Variants in NRDC observed in about 807,000 individuals in gnomAD.
The protein encoded by NRDC is nardilysin convertase.
A neutral mutation model predicts 147.1 loss-of-function variants in NRDC; 54 were observed. The ratio of observed to expected loss-of-function variants is 0.37; its 90% CI spans 0.29 to 0.46. The LOEUF (loss-of-function observed/expected upper bound fraction) is 0.46, where lower values mean the gene tolerates loss of function less well. NRDC is among the 20% of genes least tolerant of loss of function. The pLI is 1.00. For missense variants in NRDC, 1,082 were observed against 1,370.6 expected (o/e 0.79, Z 3.33); for synonymous variants, 440 against 482.1 (o/e 0.91, Z 1.14).
At chr1:51,871,515 T>TA (rs60495773) in intron 1 of NRDC, among the ~76,000 whole-genome samples, 222 of 21,018 alleles carry the variant, frequency 0.011, 28 homozygotes, top group African/African-American at 0.026. Flanking sequence ...ACTGGTTCAT[T>TA]AAAAAAAAAA....
chr1:51,811,010 T>C (rs771087011), intron 15 of NRDC, among the ~76,000 whole-genome samples: 23 of 152,158 alleles, frequency 1.5e-4, no homozygotes, highest in Admixed American at 1.5e-3. Context: ...ATCCTCCAGC[T>C]ACAATAAGGA....
chr1:51,818,140 A>T lies in NRDC; in HGVS notation c.1292-5T>A. The stretch of plus-strand genomic sequence containing the variant: ...GAATTTTTCTGATTGGAACAACTAA[A>T]CAAAAATATTTTCCAGAAGAACAGA... On this transcript the variant is annotated splice_region_variant and splice_polypyrimidine_tract_variant and intron_variant, in intron 9 of 30. Coordinates refer to ENST00000352171, the MANE Select transcript of NRDC (RefSeq NM_001101662.2). 1 of 1,591,260 alleles carries T rather than the reference A, an allele frequency of 6.3e-7. No homozygotes were observed. The highest frequency in any genetic ancestry group is 1.1e-5 in the South Asian group (1 of 87,364).
rs1679493377 is a variant in NRDC at position 51,806,920 on chromosome 1, A to G, written c.1991-7T>C. ...TTCAACGTAAAGTCCGTGGCTAATA[A>G]AAGAAGATAATAATAATTCACTCAA... On this transcript the variant is annotated splice_polypyrimidine_tract_variant and splice_region_variant and intron_variant, in intron 17 of 30. Transcript: ENST00000352171. The G allele has an allele frequency of 1.9e-6, 3 of 1,611,502 alleles. No homozygotes were observed. The Admixed American group carries it at 5.1e-5, about 27-fold the overall frequency.
At chr1:51,868,600 A>G (rs1682933630) in intron 1 of NRDC, among the ~76,000 whole-genome samples, 1 of 152,184 alleles carries the variant, frequency 6.6e-6, no homozygotes. Flanking sequence ...CTGGCTGGGC[A>G]CAGTGGTTCA....
intron 1 of NRDC, among the ~76,000 whole-genome samples, chr1:51,854,846 C>G (rs1682155058): frequency 6.6e-6 from 1 of 152,180 alleles, no homozygotes; most frequent in Admixed American, 6.5e-5. Context: ...TAACATGTCT[C>G]CAGTTGTTTT....
chr1:51,817,983 C>T, intron 10 of NRDC, 83 bp downstream of exon 10: 2 of 976,994 alleles, frequency 2.0e-6, no homozygotes, highest in Admixed American at 2.4e-5. Context: ...AAATTCAGAA[C>T]CCCCAAACTT....
Position 51,794,456 on chromosome 1 carries a change from A to G in NRDC, c.2775+16T>C. On this transcript the variant is annotated intron_variant, in intron 24 of 30. Coordinates refer to ENST00000352171, the MANE Select transcript of NRDC (RefSeq NM_001101662.2). ...GGCACTGGGCCTTCCGCCAGTCTTT[A>G]GTACACCCAACTGACCTGGTAGTAC... 6.2e-7 allele frequency: 1 copy of G among 1,613,106 alleles called. No homozygotes were observed. The highest frequency in any genetic ancestry group is 8.5e-7 in the Non-Finnish European group (1 of 1,179,140).
At chr1:51,809,481 GGCTTA>G in intron 16 of NRDC, 80 bp from the exon 17 acceptor site, 1 of 929,858 alleles carries the variant, frequency 1.1e-6, no homozygotes, top group Non-Finnish European at 1.8e-6. Flanking sequence ...GTTATCAACT[GGCTTA>G]CAAATCAATT....
In NRDC at chr1:51,803,973, T is replaced by C. The variant is rs746288822; in HGVS notation, c.2163-9A>G. On this transcript the variant is annotated splice_polypyrimidine_tract_variant and intron_variant, in intron 19 of 30. Transcript: ENST00000352171. ...TATCAAAGAGGACCACACTAAGAAGTACAAAATGCAAATGGCATCTTTAAT... is the reference window on the plus strand; with the variant it reads ...TATCAAAGAGGACCACACTAAGAAGCACAAAATGCAAATGGCATCTTTAAT... 48 of 1,561,412 alleles carry C rather than the reference T, an allele frequency of 3.1e-5. No homozygotes were observed. The highest frequency in any genetic ancestry group is 4.2e-5 in the Non-Finnish European group (48 of 1,152,936).
rs368614880 is a variant in NRDC, at chr1:51,814,130, T to A, written c.1620-41A>T. On this transcript the variant is annotated intron_variant, in intron 13 of 30. Transcript: ENST00000352171. ...CTATAATTAGAAGATACATTAAAAT[T>A]TCTGCCTACTTGAGGGAGAAGGGCG... 3.0e-6 allele frequency: 4 copies of A among 1,332,944 alleles called. No homozygotes were observed. The African/African-American group carries it at 5.8e-5, about 19-fold the overall frequency. The allele number at this position is 1,332,944 out of a possible 1,614,324, so 82.6% of individuals were successfully genotyped here. A position where few individuals can be genotyped will look rare whatever the true frequency, so the allele number is the denominator to read the frequency against.
At chr1:51,837,110 A>C (rs970863133) in intron 2 of NRDC, among the ~76,000 whole-genome samples, 1 of 152,198 alleles carries the variant, frequency 6.6e-6, no homozygotes, top group African/African-American at 2.4e-5. Context: ...GTAAGTTAAA[A>C]GACAAAAAAA....
chr1:51,818,167 G>GT lies in NRDC; in HGVS notation c.1292-33dup, dbSNP rs746043566. 44 of 1,447,164 alleles carry GT rather than the reference G, an allele frequency of 3.0e-5. No individual in the cohort carries two copies. In the East Asian group the frequency reaches 9.1e-4, roughly 30 times the overall value. 89.6% of individuals were successfully genotyped at this position (1,447,164 alleles called of 1,614,324 possible). On this transcript the variant is annotated intron_variant, in intron 9 of 30. Transcript: ENST00000352171. ...AAAAATATTTTCCAGAAGAACAGAT[G>GT]TAAGTGTTTCTCTATGACTTTTACT...
chr1:51,838,513 G>C (rs1272603853), intron 2 of NRDC, among the ~76,000 whole-genome samples: 1 of 152,092 alleles, frequency 6.6e-6, no homozygotes, highest in African/African-American at 2.4e-5. Flanking sequence ...GCTACTTACA[G>C]ATAGATGGAA....
At chr1:51,829,506 C>T (rs958817112) in intron 4 of NRDC, among the ~76,000 whole-genome samples, 12 of 152,162 alleles carry the variant, frequency 7.9e-5, no homozygotes, top group Admixed American at 6.6e-4. Flanking sequence ...CAAAAATTTT[C>T]CATATTTCTT....
chr1:51,815,153 G>T (rs1679900919), intron 11 of NRDC, among the ~76,000 whole-genome samples: 1 of 149,518 alleles, frequency 6.7e-6, no homozygotes, highest in Non-Finnish European at 1.5e-5. Flanking sequence ...AATGATGGCT[G>T]CTGGAAAGCA....
chr1:51,814,617 CA>C lies in NRDC; in HGVS notation c.1561-9del. ...AAAGACAGTGTAAGCAACCTGAAAA[CA>C]AAACATCCAATTAGTCTTTTGCATA... On this transcript the variant is annotated splice_polypyrimidine_tract_variant and intron_variant, in intron 12 of 30. Transcript: ENST00000352171. 6.2e-7 allele frequency: 1 copy of C among 1,612,144 alleles called. No individual in the cohort carries two copies. Among genetic ancestry groups the C allele is most frequent in the Non-Finnish European group, 8.5e-7 (1 of 1,178,556 alleles).
At position 51,878,580 on chromosome 1, in the gene NRDC, G is replaced by T. The variant is rs777378501; in HGVS notation, c.36C>A (p.Ala12=). Residue 12 remains alanine (A), a synonymous_variant, in exon 1 of 31, where the codon GCC becomes GCA. Coordinates refer to ENST00000352171, the MANE Select transcript of NRDC (RefSeq NM_001101662.2). ...LRRVTVAAVC[A]TRRKLCEAGR... is the part of the protein sequence containing the mutation. ...CGGCCTCACACAACTTCCTCCGGGT[G>T]GCACAGACTGCAGCAACAGTGACTC... 2 of 1,613,124 alleles carry T rather than the reference G, an allele frequency of 1.2e-6. No homozygotes were observed. Among genetic ancestry groups the T allele is most frequent in the Non-Finnish European group, 8.5e-7 (1 of 1,179,668 alleles).
At chr1:51,857,573 C>T (rs759928865) in intron 1 of NRDC, among the ~76,000 whole-genome samples, 14 of 152,178 alleles carry the variant, frequency 9.2e-5, no homozygotes, top group Non-Finnish European at 5.9e-5. Context: ...CAACTGATAT[C>T]GTGGTAAGTT....
chr1:51,834,163 G>C lies in NRDC; in HGVS notation c.720C>G (p.Phe240Leu), dbSNP rs1680837180. ...CATCTGGATATTTCAAACTACCCAT[G>C]AATACCACTAAATGGAAAGAACACA... ...GLAHFLEHMV[F>L]MGSLKYPDEN... The change falls in exon 4 of 31, where the codon TTC becomes TTG. Residue 240 changes from phenylalanine to leucine, a missense_variant. Around this residue, in one of 3 missense-constraint regions of NRDC, gnomAD observed 635 missense variants for 923.8 expected, o/e 0.69. Coordinates refer to ENST00000352171, the MANE Select transcript of NRDC (RefSeq NM_001101662.2). 1 of 1,613,508 alleles carries C rather than the reference G, an allele frequency of 6.2e-7. No individual in the cohort carries two copies. Among genetic ancestry groups the C allele is most frequent in the African/African-American group, 1.3e-5 (1 of 74,862 alleles).
Sources: allele counts gnomAD v4.1 joint callset (sites outside exome capture counted in the v4.1 genomes callset), GRCh38; gene constraint gnomAD v4.1.1; regional missense constraint gnomAD v4.1.1; transcripts MANE v1.5; gene names NCBI Gene and HGNC (gene_info 2026-07-23, HGNC 2026-07-21).